Variants in TBCD observed in about 807,000 individuals in gnomAD.
The protein encoded by TBCD is tubulin-specific chaperone D.
In TBCD, 105 loss-of-function variants were observed where a neutral mutation model predicts 169.3. That is an observed-to-expected ratio of 0.62 (90% CI 0.53 to 0.73). The LOEUF (loss-of-function observed/expected upper bound fraction) is 0.73. TBCD is among the 30% of genes least tolerant of loss of function. The probability of loss-of-function intolerance (pLI) is 0.00; values close to 1 mark genes in which losing one functional copy is unlikely to be tolerated. For missense variants in TBCD, 1,444 were observed against 1,600.1 expected (o/e 0.90, Z 1.66); for synonymous variants, 700 against 643.9 (o/e 1.09, Z -1.32).
rs543878479 is a variant in TBCD at position 82,864,724 on chromosome 17, G to A, written c.1319-5500G>A. 6.6e-6 allele frequency among the ~76,000 whole-genome samples: 1 copy of A among 152,282 alleles called. No homozygotes were observed. The highest frequency in any genetic ancestry group is 2.1e-4 in the South Asian group (1 of 4,822). ...GGTGCGTGATCCCACCGAGGCCGGG[G>A]TTGTGCTTGGGGCACTGGGGGAGAG... On this transcript the variant is annotated intron_variant, in intron 13 of 38. Transcript: ENST00000355528. The surrounding 1 kb of genome is among the most constrained non-coding windows in gnomAD (Gnocchi z 6.3).
At chr17:82,841,919 C>G (rs1196152163) in intron 13 of TBCD, among the ~76,000 whole-genome samples, 6 of 152,196 alleles carry the variant, frequency 3.9e-5, no homozygotes, top group Admixed American at 1.3e-4. Context: ...AGTAGCACTT[C>G]AGAGGCCTCC....
rs1303391208 is a variant in TBCD at position 82,855,111 on chromosome 17, ACCCCTCTTCGCCC to A, written c.1319-15111_1319-15099del. Among the ~76,000 whole-genome samples the A allele has an allele frequency of 2.7e-5, 4 of 149,706 alleles. No individual in the cohort carries two copies. The South Asian group carries it at 8.5e-4, about 32-fold the overall frequency. Reference sequence around the variant, plus strand: ...CCTCACCCTGCTGTCCACCTCACGGACCCCTCTTCGCCCCATATGGGCCACTTTGGCCCCCACC... The same window carrying A: ...CCTCACCCTGCTGTCCACCTCACGGACATATGGGCCACTTTGGCCCCCACC... On this transcript the variant is annotated intron_variant, in intron 13 of 38. Transcript: ENST00000355528.
intron 13 of TBCD, among the ~76,000 whole-genome samples, chr17:82,834,520 G>A (rs989143920): frequency 1.3e-5 from 2 of 152,204 alleles, no homozygotes; most frequent in Non-Finnish European, 2.9e-5. Context: ...TATACACCAT[G>A]GAATACTGTG....
chr17:82,831,549 G>A lies in TBCD; in HGVS notation c.1318+16615G>A, dbSNP rs772392011. The A allele has an allele frequency of 4.3e-6, 7 of 1,614,044 alleles. No individual in the cohort carries two copies. Among genetic ancestry groups the A allele is most frequent in the Admixed American group, 1.7e-5 (1 of 60,002 alleles). ...ATTGCTGGAAAAACCTGTAGTGATC[G>A]TATGTGGCTGGAGATGGAGCCAGGT... is the stretch of plus-strand genomic sequence containing the variant. On this transcript the variant is annotated intron_variant, in intron 13 of 38. Coordinates refer to ENST00000355528, the MANE Select transcript of TBCD (RefSeq NM_005993.5). The surrounding 1 kb of genome is among the most constrained non-coding windows in gnomAD (Gnocchi z 4.6).
intron 13 of TBCD, among the ~76,000 whole-genome samples, chr17:82,840,953 GGTTTTTTTTTTTTTTTTT>G (rs1215256666): frequency 1.1e-4 from 8 of 70,548 alleles, no homozygotes; most frequent in Middle Eastern, 0.019. Context: ...CAGACAAACT[GGTTTTTTTTTTTTTTTTT>G]TTTTTTTTTT....
At chr17:82,830,522 C>T (rs146755596) in intron 13 of TBCD, 4 of 1,613,904 alleles carry the variant, frequency 2.5e-6, no homozygotes, top group Admixed American at 3.3e-5. Context: ...GGCTTGGTCT[C>T]AGGGTGGCTG....
rs78786575 is a variant in TBCD at position 82,815,392 on chromosome 17, C to A, written c.1318+458C>A. ...TAGAACCAGGTACCCCTGGCAGCAT[C>A]CTGGGTCACCTGGAGTGACGTGGTG... On this transcript the variant is annotated intron_variant, in intron 13 of 38. Transcript: ENST00000355528. Among the ~76,000 whole-genome samples the A allele has an allele frequency of 1.8e-3, 267 of 152,278 alleles. 2 individuals carry two copies. The highest frequency in any genetic ancestry group is 5.7e-3 in the African/African-American group (236 of 41,580).
At chr17:82,801,641 G>C (rs1394719040) in intron 9 of TBCD, among the ~76,000 whole-genome samples, 3 of 98,460 alleles carry the variant, frequency 3.0e-5, no homozygotes, top group Admixed American at 1.1e-4. Context: ...AGCGTGGCAG[G>C]AGGGCGGCGT....
chr17:82,942,503 G>C lies in TBCD; in HGVS notation c.*40G>C, dbSNP rs1466046320. The stretch of plus-strand genomic sequence containing the variant: ...CCCATACCTCACCCCTGCCTGGTGA[G>C]GATGTCTTGTTCCTGAGGGAGGCCG... On this transcript the variant is annotated 3_prime_UTR_variant, in exon 39 of 39. Coordinates refer to ENST00000355528, the MANE Select transcript of TBCD (RefSeq NM_005993.5). The C allele has an allele frequency of 6.2e-7, 1 of 1,613,892 alleles. No homozygotes were observed. The highest frequency in any genetic ancestry group is 2.2e-5 in the East Asian group (1 of 44,890).
Position 82,884,576 on chromosome 17 carries a change from C to T in TBCD, c.1533+374C>T, listed in dbSNP as rs1017739773. Among the ~76,000 whole-genome samples the T allele has an allele frequency of 2.0e-5, 3 of 152,212 alleles. No homozygotes were observed. The highest frequency in any genetic ancestry group is 2.1e-4 in the South Asian group (1 of 4,814). On this transcript the variant is annotated intron_variant, in intron 15 of 38. Coordinates refer to ENST00000355528, the MANE Select transcript of TBCD (RefSeq NM_005993.5). This position sits in a 1 kb window ranked among gnomAD's most constrained non-coding sequence, Gnocchi z 4.2. ...TGTGGCGGCGGGACGGGTCACTCAC[C>T]GGGTGGCTTTGAGCCTCGGGAGGGG...
chr17:82,788,401 C>T (rs757356011), intron 7 of TBCD, among the ~76,000 whole-genome samples: 11 of 152,010 alleles, frequency 7.2e-5, no homozygotes, highest in East Asian at 5.8e-4. Context: ...GAGGCGGCGG[C>T]GGGGCTGGGG....
chr17:82,899,359 A>AATGC (rs2059733567), intron 17 of TBCD, among the ~76,000 whole-genome samples: 1 of 142,732 alleles, frequency 7.0e-6, no homozygotes, highest in Non-Finnish European at 1.5e-5. Flanking sequence ...GCGTGTCCGC[A>AATGC]GTGCGTCCTC....
At position 82,942,591 on chromosome 17, in the gene TBCD, C is replaced by A; in HGVS notation, c.*128C>A. On this transcript the variant is annotated 3_prime_UTR_variant, in exon 39 of 39. Transcript: ENST00000355528. ...GAAGGGTAGCGCTGGCCCTTGGAGG[C>A]TGGCACTAGCTGACAGCTTTTCCTC... is the stretch of plus-strand genomic sequence containing the variant. The A allele has an allele frequency of 1.6e-6, 2 of 1,268,876 alleles. No individual in the cohort carries two copies. Among genetic ancestry groups the A allele is most frequent in the Non-Finnish European group, 2.2e-6 (2 of 889,278 alleles). 78.6% of individuals were successfully genotyped at this position (1,268,876 alleles called of 1,614,324 possible).
chr17:82,901,256 C>T (rs2059870623), intron 18 of TBCD, among the ~76,000 whole-genome samples: 1 of 152,240 alleles, frequency 6.6e-6, no homozygotes, highest in South Asian at 2.1e-4. Flanking sequence ...CGCGTTAGTG[C>T]TGTGACCGCC....
intron 13 of TBCD, among the ~76,000 whole-genome samples, chr17:82,856,927 G>C (rs539061522): frequency 8.5e-4 from 102 of 120,130 alleles, no homozygotes; most frequent in Middle Eastern, 4.6e-3. Context: ...CGGACCCTCG[G>C]TGCGCATCCA....
rs538522882 is a variant in TBCD, at chr17:82,795,276, CGA to C, written c.772-2474_772-2473del. On this transcript the variant is annotated intron_variant, in intron 7 of 38. Transcript: ENST00000355528. ...ACTGGGGGACACGTCAGCCTGTTGC[CGA>C]GAGAGACCAGGGGACATGTTAGCCC... Among the ~76,000 whole-genome samples, 773 of 152,044 alleles carry C rather than the reference CGA, an allele frequency of 5.1e-3. 6 individuals carry two copies. Among genetic ancestry groups the C allele is most frequent in the African/African-American group, 0.018 (749 of 41,440 alleles).
In TBCD at chr17:82,829,958, T is replaced by G. The variant is rs1312914706; in HGVS notation, c.1318+15024T>G. The stretch of plus-strand genomic sequence containing the variant: ...CAAAAGTAGAAGCACCTTTTAATAT[T>G]CATGCTTAATATTTATAAAAACTGA... On this transcript the variant is annotated intron_variant, in intron 13 of 38. Coordinates refer to ENST00000355528, the MANE Select transcript of TBCD (RefSeq NM_005993.5). 2.4e-4 allele frequency: 231 copies of G among 976,486 alleles called. 2 individuals carry two copies. In the East Asian group the frequency reaches 6.0e-3, roughly 25 times the overall value. The allele number at this position is 976,486 out of a possible 1,614,324, so 60.5% of individuals were successfully genotyped here.
chr17:82,823,159 G>T (rs979527713), intron 13 of TBCD, among the ~76,000 whole-genome samples: 1 of 152,254 alleles, frequency 6.6e-6, no homozygotes, highest in Non-Finnish European at 1.5e-5. Context: ...CCCTGGTAGA[G>T]CCGTTGGGGC....
intron 13 of TBCD, among the ~76,000 whole-genome samples, chr17:82,856,822 CCGCG>C (rs2056336762): frequency 1.5e-5 from 2 of 135,516 alleles, no homozygotes; most frequent in African/African-American, 2.9e-5. Context: ...GATCGCTGGA[CCGCG>C]TGCGGACCCT....
Sources: gnomAD v4.1 joint callset for allele counts (sites outside exome capture counted in the v4.1 genomes callset) on GRCh38, gnomAD v4.1.1 for gene constraint, Gnocchi (gnomAD v3.1) non-coding constraint, MANE v1.5 for transcripts, NCBI Gene and HGNC (gene_info 2026-07-23, HGNC 2026-07-21) for gene names.